Variants in SEC31A observed in about 807,000 individuals in gnomAD.
SEC31A encodes the protein SEC31 homolog A, COPII component, also known as protein transport protein Sec31A.
A neutral mutation model predicts 151.0 loss-of-function variants in SEC31A; 70 were observed. The observed-to-expected ratio is 0.46, with a 90% CI of 0.38 to 0.57. The LOEUF (loss-of-function observed/expected upper bound fraction) is 0.57, where lower values mean the gene tolerates loss of function less well. Among genes scored for constraint, SEC31A ranks in the 20% least tolerant of loss-of-function variants. The pLI is 0.00. For missense variants in SEC31A, 1,330 were observed against 1,471.2 expected, an observed-to-expected ratio of 0.90 and a Z score of 1.57; for synonymous variants, 475 against 505.9, an observed-to-expected ratio of 0.94 and a Z score of 0.82.
In SEC31A at chr4:82,842,246, C is replaced by A. The variant is rs1729087893; in HGVS notation, c.2862G>T (p.Gln954His). ...ATGGTGGAGCTCCTGGTCCGCCATGCTGGAAGGATGCTCCAGAGGAAGGGG... is the reference window on the plus strand; with the variant it reads ...ATGGTGGAGCTCCTGGTCCGCCATGATGGAAGGATGCTCCAGAGGAAGGGG... Reference protein sequence around the residue: ...PPPPSSGASFQHGGPGAPPSS... With the variant: ...PPPPSSGASFHHGGPGAPPSS... The change falls in exon 22 of 27, where the codon CAG becomes CAT. Residue 954 changes from glutamine (Q) to histidine (H), a missense_variant. Physicochemically the swap from Gln to His is conservative, Grantham distance 24. Transcript: ENST00000395310. 1 of 1,613,812 alleles carries A rather than the reference C, an allele frequency of 6.2e-7. No individual in the cohort carries two copies. Among genetic ancestry groups the A allele is most frequent in the Non-Finnish European group, 8.5e-7 (1 of 1,179,848 alleles).
At chr4:82,887,914 C>T (rs1578408998) in intron 1 of SEC31A, among the ~76,000 whole-genome samples, 1 of 151,566 alleles carries the variant, frequency 6.6e-6, no homozygotes, top group Non-Finnish European at 1.5e-5. Context: ...GGCGCAGTGG[C>T]GGGCGCCTGT....
intron 1 of SEC31A, among the ~76,000 whole-genome samples, chr4:82,887,714 G>C (rs1438092564): frequency 6.6e-6 from 1 of 152,238 alleles, no homozygotes; most frequent in Non-Finnish European, 1.5e-5. Flanking sequence ...ATAAATGACA[G>C]TTATTACAAA....
rs1344945461 is a variant in SEC31A, at chr4:82,882,064, A to G, written c.-4-124T>C. 1.1e-5 allele frequency: 8 copies of G among 738,110 alleles called. No homozygotes were observed. The East Asian group carries it at 1.2e-4, about 12-fold the overall frequency. 45.7% of individuals were successfully genotyped at this position (738,110 alleles called of 1,614,324 possible). On this transcript the variant is annotated intron_variant, in intron 1 of 26. Coordinates refer to ENST00000395310, the MANE Select transcript of SEC31A (RefSeq NM_001077207.4). ...CAACATTAGTAATGCCCAACTGCAAATAAATCAAATCGGTTTAGGTGTCAT... is the reference window on the plus strand; with the variant it reads ...CAACATTAGTAATGCCCAACTGCAAGTAAATCAAATCGGTTTAGGTGTCAT...
intron 20 of SEC31A, among the ~76,000 whole-genome samples, chr4:82,845,585 A>G (rs1017847653): frequency 6.6e-6 from 1 of 152,166 alleles, no homozygotes; most frequent in African/African-American, 2.4e-5. Context: ...TTCAAGTGTC[A>G]ATTATAAGTG....
rs759996591 is a variant in SEC31A at position 82,878,896 on chromosome 4, A to G, written c.236T>C (p.Met79Thr). ...YHKLIWGPYK[M>T]DSKGDVSGVL... ...TCCAGAGACATCTCCTTTGGAATCCATTTTATAAGGCCCCCAAATCAACTT... is the reference window on the plus strand; with the variant it reads ...TCCAGAGACATCTCCTTTGGAATCCGTTTTATAAGGCCCCCAAATCAACTT... Residue 79 changes from methionine (M) to threonine (T), a missense_variant, in exon 4 of 27, where the codon ATG becomes ACG. By Grantham distance (81) the Met-to-Thr change is moderately conservative. Coordinates refer to ENST00000395310, the MANE Select transcript of SEC31A (RefSeq NM_001077207.4). 4 of 1,613,914 alleles carry G rather than the reference A, an allele frequency of 2.5e-6. No homozygotes were observed. The highest frequency in any genetic ancestry group is 1.1e-5 in the South Asian group (1 of 91,082).
At chr4:82,889,280 T>A (rs1167765763) in intron 1 of SEC31A, among the ~76,000 whole-genome samples, 1 of 151,126 alleles carries the variant, frequency 6.6e-6, no homozygotes, top group Non-Finnish European at 1.5e-5. Flanking sequence ...CTTACAGGAG[T>A]TTTTAACTTG....
upstream of SEC31A, chr4:82,895,477 C>T (rs7435572): frequency 0.25 from 38,169 of 152,058 alleles, 5,332 homozygotes; most frequent in East Asian, 0.48. Context: ...AAGTTAAAAG[C>T]TCCACCCCCT....
intron 14 of SEC31A, among the ~76,000 whole-genome samples, chr4:82,858,542 C>CAAAAA: frequency 1.6e-5 from 1 of 62,954 alleles, no homozygotes; most frequent in Non-Finnish European, 3.9e-5. Context: ...GACTCTGTCT[C>CAAAAA]AAAAAAAAAA....
chr4:82,881,323 G>A (rs1011234518), intron 2 of SEC31A, among the ~76,000 whole-genome samples: 1 of 152,104 alleles, frequency 6.6e-6, no homozygotes, highest in African/African-American at 2.4e-5. Flanking sequence ...AAATTAGCCA[G>A]GCATGGTGGT....
chr4:82,850,435 C>G (rs553069655), intron 19 of SEC31A, among the ~76,000 whole-genome samples: 33 of 152,082 alleles, frequency 2.2e-4, no homozygotes, highest in African/African-American at 7.7e-4. Context: ...ACTAGAGAGT[C>G]CTACCTCCAT....
chr4:82,896,824 G>C (rs1276005406), intron 3 of SEC31A, among the ~76,000 whole-genome samples: 1 of 152,138 alleles, frequency 6.6e-6, no homozygotes, highest in East Asian at 1.9e-4. Context: ...TGGAGTAAAG[G>C]TACAGATGTA....
chr4:82,821,485 T>C (rs1381377674), intron 25 of SEC31A: 1 of 144,014 alleles, frequency 6.9e-6, no homozygotes, highest in Non-Finnish European at 1.3e-5. Context: ...GAGGTGGAGG[T>C]TGCAGTGAGC....
intron 8 of SEC31A, among the ~76,000 whole-genome samples, chr4:82,869,331 C>T (rs575409565): frequency 1.1e-4 from 16 of 149,850 alleles, no homozygotes; most frequent in Non-Finnish European, 1.5e-4. Context: ...AGGGTTTCAT[C>T]GTGTTAGCCA....
Position 82,844,604 on chromosome 4 carries a change from A to AT in SEC31A, c.2503-96dup, listed in dbSNP as rs1478853492. On this transcript the variant is annotated intron_variant, in intron 20 of 26. Transcript: ENST00000395310. ...ATCTCTGAAATGGAATTCTATGTTT[A>AT]TTTAAAAAAAAACTTTATTGCATAA... The AT allele has an allele frequency of 5.4e-6, 7 of 1,285,550 alleles. No individual in the cohort carries two copies. The African/African-American group carries it at 6.0e-5, about 11-fold the overall frequency. The allele number at this position is 1,285,550 out of a possible 1,614,324, so 79.6% of individuals were successfully genotyped here. A position where few individuals can be genotyped will look rare whatever the true frequency, so the allele number is the denominator to read the frequency against.
In SEC31A at chr4:82,878,898, T is replaced by C. The variant is rs770408044; in HGVS notation, c.234A>G (p.Lys78=). The change falls in exon 4 of 27, where the codon AAA becomes AAG. Residue 78 remains lysine (K), a synonymous_variant. Coordinates refer to ENST00000395310, the MANE Select transcript of SEC31A (RefSeq NM_001077207.4). The part of the protein sequence containing the change: ...RYHKLIWGPY[K]MDSKGDVSGV... ...CAGAGACATCTCCTTTGGAATCCATTTTATAAGGCCCCCAAATCAACTTGT... is the reference window on the plus strand; with the variant it reads ...CAGAGACATCTCCTTTGGAATCCATCTTATAAGGCCCCCAAATCAACTTGT... The C allele has an allele frequency of 1.2e-6, 2 of 1,613,850 alleles. No homozygotes were observed. Among genetic ancestry groups the C allele is most frequent in the Admixed American group, 1.7e-5 (1 of 60,016 alleles).
intron 21 of SEC31A, 171 bp downstream of exon 21, chr4:82,844,215 G>A: frequency 3.2e-6 from 2 of 621,046 alleles, no homozygotes; most frequent in Non-Finnish European, 5.4e-6. Flanking sequence ...CTAGCATAGT[G>A]ATTCAGGCCA....
intron 20 of SEC31A, among the ~76,000 whole-genome samples, chr4:82,846,366 C>CATCATAATAATAATAATAATAATA (rs1553928443): frequency 1.2e-4 from 17 of 140,534 alleles, no homozygotes; most frequent in African/African-American, 4.4e-4. Flanking sequence ...AACTCCAAAA[C>CATCATAATAATAATAATAATAATA]ATAATAATAA....
intron 22 of SEC31A, among the ~76,000 whole-genome samples, chr4:82,835,269 G>T: frequency 6.6e-6 from 1 of 152,090 alleles, no homozygotes; most frequent in East Asian, 1.9e-4. Flanking sequence ...CAGTACTATG[G>T]AGATTCATTA....
chr4:82,862,474 C>T, intron 13 of SEC31A, 60 bp downstream of exon 13: 1 of 1,279,002 alleles, frequency 7.8e-7, no homozygotes, highest in Non-Finnish European at 1.1e-6. Context: ...ATGATATTTC[C>T]TTCTTCGTTA....
Sources: gnomAD v4.1 joint callset for allele counts (sites outside exome capture counted in the v4.1 genomes callset) on GRCh38, gnomAD v4.1.1 for gene constraint, MANE v1.5 for transcripts, NCBI Gene and HGNC (gene_info 2026-07-23, HGNC 2026-07-21) for gene names.